The following ALDH6A1 variants were observed in gnomAD, a reference collection of about 807,000 sequenced individuals.
ALDH6A1 encodes methylmalonate-semialdehyde/malonate-semialdehyde dehydrogenase [acylating], mitochondrial.
Under a neutral mutation model 62.6 loss-of-function variants are expected in ALDH6A1, and 43 were observed. That is an observed-to-expected ratio of 0.69 (90% CI 0.54 to 0.89). The LOEUF (loss-of-function observed/expected upper bound fraction) is 0.89. Among genes scored for constraint, ALDH6A1 ranks in the 40% least tolerant of loss-of-function variants. ALDH6A1 has a pLI of 0.00. For synonymous variants in ALDH6A1, 194 were observed against 234.2 expected (o/e 0.83, Z 1.57); for missense variants, 551 against 661.3 (o/e 0.83, Z 1.83).
intron 5 of ALDH6A1, 178 bp downstream of exon 5, chr14:74,071,718 G>A: frequency 6.8e-7 from 1 of 1,469,548 alleles, no homozygotes. Context: ...TTTGAGTAAA[G>A]AGTAAAGTAA....
chr14:74,083,005 G>A (rs891345231), intron 1 of ALDH6A1: 12 of 152,092 alleles, frequency 7.9e-5, no homozygotes, highest in African/African-American at 2.7e-4. Context: ...AAAATATAGG[G>A]TGGAAACTTT....
chr14:74,082,393 GTTTTTTTT>G (rs869211328), intron 1 of ALDH6A1, among the ~76,000 whole-genome samples: 1 of 77,568 alleles, frequency 1.3e-5, no homozygotes, highest in Non-Finnish European at 2.4e-5. Flanking sequence ...CAAAATCGAG[GTTTTTTTT>G]TTTTTTTTTT....
intron 11 of ALDH6A1, among the ~76,000 whole-genome samples, chr14:74,061,411 C>T (rs147021063): frequency 3.4e-4 from 52 of 152,240 alleles, no homozygotes; most frequent in Middle Eastern, 3.4e-3. Flanking sequence ...ATGTGATTCT[C>T]CTGCCTCAGC....
intron 11 of ALDH6A1, among the ~76,000 whole-genome samples, chr14:74,062,191 C>T (rs879738977): frequency 1.2e-4 from 18 of 151,814 alleles, no homozygotes; most frequent in Admixed American, 8.5e-4. Context: ...AGCAAAACTC[C>T]CATCTCAAAA....
intron 1 of ALDH6A1, among the ~76,000 whole-genome samples, chr14:74,080,334 A>G (rs2060658031): frequency 6.6e-6 from 1 of 151,578 alleles, no homozygotes; most frequent in Non-Finnish European, 1.5e-5. Flanking sequence ...ATAGCTTCCT[A>G]ACACATCTCT....
chr14:74,078,905 T>C (rs371872336), intron 1 of ALDH6A1, among the ~76,000 whole-genome samples: 1 of 151,930 alleles, frequency 6.6e-6, no homozygotes, highest in East Asian at 1.9e-4. Context: ...CCTCAGGTGA[T>C]CTGACCATCT....
intron 5 of ALDH6A1, 21 bp downstream of exon 5, chr14:74,071,875 C>T: frequency 6.2e-7 from 1 of 1,612,874 alleles, no homozygotes; most frequent in East Asian, 2.2e-5. Context: ...CCAAAAGTCC[C>T]ATAAGGGGCT....
Position 74,071,944 on chromosome 14 carries a change from G to C in ALDH6A1, c.379C>G (p.Gln127Glu). ...TCAGCATCAGCTAGGGTCTTCCCTT[G>C]TTCCAATGTGATTAACTTGGCAATT... Reference protein sequence around the residue: ...KEIAKLITLEQGKTLADAEGD... With the variant: ...KEIAKLITLEEGKTLADAEGD... The change falls in exon 5 of 12, where the codon CAA (glutamine) becomes GAA (glutamate). Residue 127 changes from glutamine (Q) to glutamate (E), a missense_variant. Physicochemically the swap from Gln to Glu is conservative, Grantham distance 29 (BLOSUM62 2). Coordinates refer to ENST00000553458, the MANE Select transcript of ALDH6A1 (RefSeq NM_005589.4). The C allele has an allele frequency of 6.2e-7, 1 of 1,614,206 alleles. No homozygotes were observed. The highest frequency in any genetic ancestry group is 2.2e-5 in the East Asian group (1 of 44,888).
In ALDH6A1 at chr14:74,060,678, G is replaced by A; in HGVS notation, c.1572C>T (p.Ser524=). The A allele has an allele frequency of 6.2e-7, 1 of 1,613,828 alleles. No homozygotes were observed. Among genetic ancestry groups the A allele is most frequent in the Non-Finnish European group, 8.5e-7 (1 of 1,179,750 alleles). The change falls in exon 12 of 12, where the codon TCC becomes TCT. Residue 524 remains serine, a synonymous_variant. Coordinates refer to ENST00000553458, the MANE Select transcript of ALDH6A1 (RefSeq NM_005589.4). ...SQWKEEDATL[S]SPAVVMPTMG... ...TGGTAGGCATGACAACAGCAGGTGA[G>A]GAAAGAGTAGCATCTTCTTCTTTCC...
Position 74,057,836 on chromosome 14 carries a change from G to A in ALDH6A1, c.*2806C>T. The stretch of plus-strand genomic sequence containing the variant: ...TTTCATCTAAGAAATAAGAAACTCT[G>A]AGCAGCAAATAGTTGGCCAGATGAG... On this transcript the variant is annotated 3_prime_UTR_variant, in exon 12 of 12. Transcript: ENST00000553458. 9.7e-7 allele frequency: 1 copy of A among 1,033,668 alleles called. No homozygotes were observed. Among genetic ancestry groups the A allele is most frequent in the Non-Finnish European group, 1.2e-6 (1 of 858,572 alleles). 64.0% of individuals were successfully genotyped at this position (1,033,668 alleles called of 1,614,324 possible).
At position 74,084,338 on chromosome 14, in the gene ALDH6A1, C is replaced by T; in HGVS notation, c.48+9G>A. ...AGCTTCATGGTGCCTTGGCACCACC[C>T]TCACTCGCCTGCAGGATCCGGGCTC... On this transcript the variant is annotated intron_variant, in intron 1 of 11. Transcript: ENST00000553458. 1 of 1,613,772 alleles carries T rather than the reference C, an allele frequency of 6.2e-7. No individual in the cohort carries two copies. Among genetic ancestry groups the T allele is most frequent in the South Asian group, 1.1e-5 (1 of 91,064 alleles).
intron 1 of ALDH6A1, among the ~76,000 whole-genome samples, chr14:74,082,636 G>A (rs2139824483): frequency 6.6e-6 from 1 of 152,168 alleles, no homozygotes; most frequent in African/African-American, 2.4e-5. Flanking sequence ...CTGACCTCAG[G>A]TGATCCACCC....
intron 9 of ALDH6A1, 50 bp from the exon 10 acceptor site, chr14:74,065,410 G>A (rs767749111): frequency 2.6e-6 from 4 of 1,554,140 alleles, no homozygotes; most frequent in Non-Finnish European, 3.5e-6. Flanking sequence ...TGGATTCTGA[G>A]TATTTTATGC....
chr14:74,071,171 A>C (rs943406116), intron 6 of ALDH6A1, 24 bp downstream of exon 6: 2 of 1,599,586 alleles, frequency 1.3e-6, no homozygotes, highest in African/African-American at 2.7e-5. Context: ...CAGATTAAGT[A>C]GCCATATGCA....
chr14:74,073,585 G>C (rs1412964212), intron 2 of ALDH6A1, among the ~76,000 whole-genome samples: 1 of 152,104 alleles, frequency 6.6e-6, no homozygotes, highest in Admixed American at 6.6e-5. Flanking sequence ...TGGCCCAGCT[G>C]ACTGTTACAT....
At position 74,072,557 on chromosome 14, in the gene ALDH6A1, A is replaced by G. The variant is rs1566834016; in HGVS notation, c.166T>C (p.Trp56Arg). Reference protein sequence around the residue: ...GKFVESKSDKWIDIHNPATNE... With the variant: ...GKFVESKSDKRIDIHNPATNE... ...CTTACTGGGTTGTGGATATCGATCC[A>G]TTTGTCACTTTTGGATTCAACGAAT... Residue 56 changes from tryptophan to arginine, a missense_variant, in exon 3 of 12, where the codon TGG becomes CGG. Trp to Arg is a moderately radical substitution (Grantham distance 101). Coordinates refer to ENST00000553458, the MANE Select transcript of ALDH6A1 (RefSeq NM_005589.4). The G allele has an allele frequency of 6.2e-7, 1 of 1,614,154 alleles. No homozygotes were observed. Among genetic ancestry groups the G allele is most frequent in the Admixed American group, 1.7e-5 (1 of 60,010 alleles).
At chr14:74,076,052 G>C (rs141133324) in intron 1 of ALDH6A1, among the ~76,000 whole-genome samples, 215 of 152,314 alleles carry the variant, frequency 1.4e-3, no homozygotes, top group African/African-American at 4.8e-3. Context: ...AAGCAGAACA[G>C]TGGTTACCTA....
At chr14:74,072,747 T>C in intron 2 of ALDH6A1, 136 bp from the exon 3 acceptor site, 1 of 980,774 alleles carries the variant, frequency 1.0e-6, no homozygotes, top group Admixed American at 2.1e-5. Flanking sequence ...TCTTTAGAAA[T>C]GTTACCACTA....
At chr14:74,074,326 C>T (rs1420071933) in intron 2 of ALDH6A1, among the ~76,000 whole-genome samples, 1 of 143,702 alleles carries the variant, frequency 7.0e-6, no homozygotes, top group Non-Finnish European at 1.5e-5. Flanking sequence ...CTCGCTCTGT[C>T]ATCAGGCTGG....
Sources: gnomAD v4.1 joint callset for allele counts (sites outside exome capture counted in the v4.1 genomes callset) on GRCh38, gnomAD v4.1.1 for gene constraint, MANE v1.5 for transcripts, NCBI Gene and HGNC (gene_info 2026-07-23, HGNC 2026-07-21) for gene names.